TBCK: variants seen among roughly 807,000 people sequenced by gnomAD.
TBCK encodes TBC1 domain containing kinase, also known as TBC domain-containing protein kinase-like protein.
TBCK carries 99 observed loss-of-function variants against 113.4 expected under a neutral mutation model. The observed-to-expected ratio is 0.87, with a 90% confidence interval of 0.74 to 1.03. The LOEUF (loss-of-function observed/expected upper bound fraction) is 1.03. Among genes scored for constraint, TBCK ranks in the 50% least tolerant of loss-of-function variants. The probability of loss-of-function intolerance (pLI) is 0.00; values close to 1 mark genes in which losing one functional copy is unlikely to be tolerated. For missense variants in TBCK, 1,045 were observed against 1,061.3 expected (o/e 0.98, Z 0.21); for synonymous variants, 369 against 370.8 (o/e 1.00, Z 0.05).
At chr4:106,076,012 G>C (rs887329302) in intron 25 of TBCK, among the ~76,000 whole-genome samples, 1 of 152,208 alleles carries the variant, frequency 6.6e-6, no homozygotes, top group Non-Finnish European at 1.5e-5. Context: ...GAGTCATACA[G>C]ACTGGTGTTT....
intron 23 of TBCK, among the ~76,000 whole-genome samples, chr4:106,138,698 G>A (rs1746844102): frequency 1.4e-5 from 2 of 140,958 alleles, no homozygotes; most frequent in African/African-American, 5.0e-5. Context: ...TAGGATATAC[G>A]TTTCTATTAA....
intron 25 of TBCK, among the ~76,000 whole-genome samples, chr4:106,072,491 G>A (rs1020104850): frequency 6.6e-6 from 1 of 152,182 alleles, no homozygotes; most frequent in African/African-American, 2.4e-5. Context: ...GCTTCCCTTT[G>A]TGGGTAACCC....
chr4:106,058,709 T>C (rs1032041147), intron 25 of TBCK, among the ~76,000 whole-genome samples: 1 of 151,770 alleles, frequency 6.6e-6, no homozygotes, highest in African/African-American at 2.4e-5. Flanking sequence ...GAGAGCCTTA[T>C]AAAAGATGAT....
intron 5 of TBCK, among the ~76,000 whole-genome samples, chr4:106,257,969 C>T (rs727618): frequency 0.14 from 21,686 of 151,860 alleles, 1,680 homozygotes; most frequent in Middle Eastern, 0.24. Flanking sequence ...GCACATCTAA[C>T]CCAAAAATAA....
chr4:106,253,893 T>C (rs369110490), intron 5 of TBCK, among the ~76,000 whole-genome samples: 1 of 152,138 alleles, frequency 6.6e-6, no homozygotes, highest in African/African-American at 2.4e-5. Flanking sequence ...TACAGTGACA[T>C]AGTAAGGGCA....
chr4:106,136,131 T>A (rs1302104159), intron 23 of TBCK, among the ~76,000 whole-genome samples: 1 of 141,914 alleles, frequency 7.0e-6, no homozygotes, highest in African/African-American at 2.5e-5. Flanking sequence ...ATTCTTTATC[T>A]CCTTTTTTTA....
chr4:106,310,794 A>G (rs1768119533), intron 1 of TBCK, among the ~76,000 whole-genome samples: 1 of 152,236 alleles, frequency 6.6e-6, no homozygotes, highest in South Asian at 2.1e-4. Flanking sequence ...TCAAGGGCAA[A>G]CAATGAAATA....
chr4:106,075,882 C>T (rs903853079), intron 25 of TBCK, among the ~76,000 whole-genome samples: 7 of 152,186 alleles, frequency 4.6e-5, no homozygotes, highest in Non-Finnish European at 8.8e-5. Context: ...TGCTTTCACA[C>T]ACTGGGAGAA....
At position 106,244,629 on chromosome 4, in the gene TBCK, G is replaced by A; in HGVS notation, c.1067C>T (p.Pro356Leu). The change falls in exon 11 of 26, where the codon CCC becomes CTC. Residue 356 changes from proline (P) to leucine (L), a missense_variant. Coordinates refer to ENST00000394708, the MANE Select transcript of TBCK (RefSeq NM_001163435.3). Reference sequence around the variant, plus strand: ...CAAGAGAAGTTTCTTTCCTTACTTGGGGAGTGTGCAGATAGGTGGTTTGGA... The same window carrying A: ...CAAGAGAAGTTTCTTTCCTTACTTGAGGAGTGTGCAGATAGGTGGTTTGGA... ...IRSKPPICTL[P>L]NFLFEDGESF... 6.3e-7 allele frequency: 1 copy of A among 1,585,798 alleles called. No homozygotes were observed. Among genetic ancestry groups the A allele is most frequent in the Non-Finnish European group, 8.5e-7 (1 of 1,169,794 alleles).
At chr4:106,266,195 T>G (rs568144775) in intron 3 of TBCK, among the ~76,000 whole-genome samples, 92 of 151,322 alleles carry the variant, frequency 6.1e-4, no homozygotes, top group African/African-American at 1.9e-3. Context: ...TATGTGCACA[T>G]GAAAGAAAAC....
At chr4:106,309,802 T>A (rs916813174) in intron 1 of TBCK, 1 of 152,234 alleles carries the variant, frequency 6.6e-6, no homozygotes, top group Non-Finnish European at 1.5e-5. Flanking sequence ...TTCATTTTTA[T>A]GCTAGATATT....
At chr4:106,309,608 G>A (rs191280415) in intron 1 of TBCK, among the ~76,000 whole-genome samples, 1 of 151,870 alleles carries the variant, frequency 6.6e-6, no homozygotes, top group Non-Finnish European at 1.5e-5. Flanking sequence ...AGCCAATAAG[G>A]CTCCTCTCTT....
At chr4:106,241,986 C>T (rs760835907) in intron 12 of TBCK, among the ~76,000 whole-genome samples, 2 of 151,792 alleles carry the variant, frequency 1.3e-5, no homozygotes, top group South Asian at 2.1e-4. Flanking sequence ...CACAAAGATA[C>T]GATATCAGGG....
At chr4:106,173,303 G>GT (rs1751251562) in intron 22 of TBCK, among the ~76,000 whole-genome samples, 1 of 152,024 alleles carries the variant, frequency 6.6e-6, no homozygotes, top group African/African-American at 2.4e-5. Context: ...TCTCTAGCCT[G>GT]TTTAAGAAAA....
chr4:106,299,002 T>C (rs1766634745), intron 2 of TBCK, among the ~76,000 whole-genome samples: 1 of 152,204 alleles, frequency 6.6e-6, no homozygotes, highest in African/African-American at 2.4e-5. Flanking sequence ...ATATCTTTTT[T>C]CCTATCAGAT....
At chr4:106,312,821 A>C (rs1026640441) in intron 1 of TBCK, among the ~76,000 whole-genome samples, 1 of 152,214 alleles carries the variant, frequency 6.6e-6, no homozygotes, top group Non-Finnish European at 1.5e-5. Flanking sequence ...AAGCAGACAC[A>C]AAAGAGTTCA....
rs533560254 is a variant in TBCK at position 106,101,743 on chromosome 4, C to G, written c.2412-6102G>C. On this transcript the variant is annotated intron_variant, in intron 24 of 25. Coordinates refer to ENST00000394708, the MANE Select transcript of TBCK (RefSeq NM_001163435.3). ...GCCTTGATTTCAAGCAAATGAGTAA[C>G]ATTCCTTTAAAGTATTGCTGTTTAC... is the stretch of plus-strand genomic sequence containing the variant. 3.3e-5 allele frequency among the ~76,000 whole-genome samples: 5 copies of G among 152,250 alleles called. No individual in the cohort carries two copies. In the South Asian group the frequency reaches 1.0e-3, roughly 32 times the overall value.
intron 12 of TBCK, among the ~76,000 whole-genome samples, chr4:106,240,539 G>A (rs887624277): frequency 1.3e-5 from 2 of 151,742 alleles, no homozygotes; most frequent in African/African-American, 4.8e-5. Context: ...CAAAACAGTA[G>A]TTGAAATAGT....
intron 2 of TBCK, among the ~76,000 whole-genome samples, chr4:106,308,368 T>A (rs1292841958): frequency 2.0e-5 from 3 of 152,160 alleles, no homozygotes; most frequent in African/African-American, 7.2e-5. Context: ...TTGCAGGGAA[T>A]GGAGCATAGC....
Sources: allele counts gnomAD v4.1 joint callset (sites outside exome capture counted in the v4.1 genomes callset), GRCh38; gene constraint gnomAD v4.1.1; transcripts MANE v1.5; gene names NCBI Gene and HGNC (gene_info 2026-07-23, HGNC 2026-07-21).